The following MARCHF4 variants were observed in gnomAD, a reference collection of about 807,000 sequenced individuals.
MARCHF4 encodes the protein E3 ubiquitin-protein ligase MARCHF4.
A neutral mutation model predicts 43.9 loss-of-function variants in MARCHF4; 14 were observed. The observed-to-expected ratio is 0.32, with a 90% CI of 0.21 to 0.50. The LOEUF is 0.50. MARCHF4 is among the 20% of genes least tolerant of loss of function. The probability of loss-of-function intolerance (pLI) is 0.98; values close to 1 mark genes in which losing one functional copy is unlikely to be tolerated. For synonymous variants in MARCHF4, 226 were observed against 213.3 expected (o/e 1.06, Z -0.52); for missense variants, 468 against 536.7 (o/e 0.87, Z 1.27).
In MARCHF4 at chr2:216,316,179, C is replaced by T. The variant is rs569519631; in HGVS notation, c.517-32450G>A. The stretch of plus-strand genomic sequence containing the variant: ...CTGGGGGTGACACAGCGCGACACTG[C>T]GCCTCCGGAATAAGGGCAGTCCTTC... On this transcript the variant is annotated intron_variant, in intron 1 of 3. Coordinates refer to ENST00000273067, the MANE Select transcript of MARCHF4 (RefSeq NM_020814.3). Among the ~76,000 whole-genome samples, 12 of 152,324 alleles carry T rather than the reference C, an allele frequency of 7.9e-5. No homozygotes were observed. In the South Asian group the frequency reaches 1.5e-3, roughly 18 times the overall value.
chr2:216,273,537 G>A (rs905045036), intron 3 of MARCHF4, among the ~76,000 whole-genome samples: 1 of 152,126 alleles, frequency 6.6e-6, no homozygotes, highest in East Asian at 1.9e-4. Flanking sequence ...AGCATTTCTT[G>A]AGAAGATGCC....
intron 1 of MARCHF4, among the ~76,000 whole-genome samples, chr2:216,296,428 C>T (rs771573519): frequency 6.6e-6 from 1 of 152,214 alleles, no homozygotes; most frequent in Non-Finnish European, 1.5e-5. Flanking sequence ...GGACTCACCC[C>T]TCCCCAAGCC....
intron 3 of MARCHF4, among the ~76,000 whole-genome samples, chr2:216,274,365 A>G (rs1267861918): frequency 6.6e-6 from 1 of 152,148 alleles, no homozygotes; most frequent in Non-Finnish European, 1.5e-5. Flanking sequence ...AGTCCCCATG[A>G]GTCAGAATGT....
At chr2:216,293,165 G>C (rs1011389837) in intron 1 of MARCHF4, among the ~76,000 whole-genome samples, 1 of 151,998 alleles carries the variant, frequency 6.6e-6, no homozygotes, top group Admixed American at 6.6e-5. Context: ...TTGTTTTCTG[G>C]CTGGAGTCCG....
At chr2:216,294,089 G>A (rs748100043) in intron 1 of MARCHF4, among the ~76,000 whole-genome samples, 5 of 152,148 alleles carry the variant, frequency 3.3e-5, no homozygotes, top group East Asian at 1.9e-4. Flanking sequence ...CCAGAATTGC[G>A]CTATTTGCAT....
chr2:216,348,744 A>G (rs1435233696), intron 1 of MARCHF4, among the ~76,000 whole-genome samples: 2 of 152,212 alleles, frequency 1.3e-5, no homozygotes, highest in African/African-American at 2.4e-5. Context: ...ATTTCTTGCT[A>G]GAAATCCAAG....
At chr2:216,302,777 A>G (rs1195370938) in intron 1 of MARCHF4, among the ~76,000 whole-genome samples, 3 of 151,648 alleles carry the variant, frequency 2.0e-5, no homozygotes, top group Non-Finnish European at 4.4e-5. Flanking sequence ...GGGTGCCTGT[A>G]ATCACAGTTA....
intron 1 of MARCHF4, among the ~76,000 whole-genome samples, chr2:216,318,400 G>C (rs1047788434): frequency 5.3e-5 from 8 of 152,238 alleles, no homozygotes; most frequent in Middle Eastern, 3.2e-3. Flanking sequence ...CATTCCAGCA[G>C]GACAAGATAG....
At chr2:216,344,829 G>A (rs1404857585) in intron 1 of MARCHF4, among the ~76,000 whole-genome samples, 1 of 151,962 alleles carries the variant, frequency 6.6e-6, no homozygotes, top group African/African-American at 2.4e-5. Flanking sequence ...AATGGATGGA[G>A]CCAAGTCCAC....
intron 1 of MARCHF4, among the ~76,000 whole-genome samples, chr2:216,326,093 T>A (rs1171847066): frequency 9.1e-5 from 13 of 142,814 alleles, no homozygotes; most frequent in Admixed American, 4.2e-4. Flanking sequence ...GAATCTACAA[T>A]GAACTCAAAC....
intron 2 of MARCHF4, among the ~76,000 whole-genome samples, chr2:216,283,068 G>T (rs6756055): frequency 0.56 from 84,587 of 151,846 alleles, 23,785 homozygotes; most frequent in South Asian, 0.64. Flanking sequence ...GTATGAGAAG[G>T]GCCATTGAGT....
At chr2:216,291,560 G>A (rs562130184) in intron 1 of MARCHF4, among the ~76,000 whole-genome samples, 3 of 152,270 alleles carry the variant, frequency 2.0e-5, no homozygotes, top group Admixed American at 1.3e-4. Context: ...AAGAGACTCT[G>A]TTTAGCTCCA....
At chr2:216,357,167 C>T (rs1692515155) in intron 1 of MARCHF4, among the ~76,000 whole-genome samples, 1 of 152,190 alleles carries the variant, frequency 6.6e-6, no homozygotes, top group Admixed American at 6.5e-5. Flanking sequence ...AACTAATCTA[C>T]ATATCTTATT....
At chr2:216,276,801 C>T (rs2105937455) in intron 3 of MARCHF4, among the ~76,000 whole-genome samples, 1 of 152,244 alleles carries the variant, frequency 6.6e-6, no homozygotes, top group African/African-American at 2.4e-5. Flanking sequence ...TTCCCCACCT[C>T]CTTAGCTGCT....
intron 1 of MARCHF4, among the ~76,000 whole-genome samples, chr2:216,287,801 A>G (rs7573239): frequency 5.9e-5 from 8 of 134,880 alleles, no homozygotes; most frequent in Non-Finnish European, 9.0e-5. Context: ...TAATAAAATT[A>G]AAAAAAAAAA....
chr2:216,307,690 C>T (rs1244244554), intron 1 of MARCHF4, among the ~76,000 whole-genome samples: 7 of 152,078 alleles, frequency 4.6e-5, no homozygotes, highest in Non-Finnish European at 8.8e-5. Context: ...ACATGGAGGC[C>T]CCCGTGACAG....
At position 216,372,290 on chromosome 2, in the gene MARCHF4, G is replaced by T. The variant is rs192090955; in HGVS notation, c.-2030C>A. 3.9e-5 allele frequency among the ~76,000 whole-genome samples: 6 copies of T among 152,114 alleles called. No homozygotes were observed. The highest frequency in any genetic ancestry group is 9.7e-5 in the African/African-American group (4 of 41,406). Reference sequence around the variant, plus strand: ...GGTTCTTGCAGCGAGGGAGGCTCTCGGCTATCTCCGCCGCCGGCGCCGCGG... The same window carrying T: ...GGTTCTTGCAGCGAGGGAGGCTCTCTGCTATCTCCGCCGCCGGCGCCGCGG... On this transcript the variant is annotated 5_prime_UTR_variant, in exon 1 of 4. Transcript: ENST00000273067.
intron 1 of MARCHF4, among the ~76,000 whole-genome samples, chr2:216,355,532 C>T (rs979994564): frequency 6.6e-5 from 10 of 152,066 alleles, no homozygotes; most frequent in Non-Finnish European, 1.5e-5. Context: ...TTAGGAGGAA[C>T]CTTTCTCTAG....
Position 216,259,064 on chromosome 2 carries a change from G to A in MARCHF4, c.*248C>T, listed in dbSNP as rs1469872027. The A allele has an allele frequency of 2.6e-6, 1 of 385,104 alleles. No homozygotes were observed. The highest frequency in any genetic ancestry group is 2.0e-5 in the African/African-American group (1 of 50,310). 23.9% of individuals were successfully genotyped at this position (385,104 alleles called of 1,614,324 possible). A position where few individuals can be genotyped will look rare whatever the true frequency, so the allele number is the denominator to read the frequency against. On this transcript the variant is annotated 3_prime_UTR_variant, in exon 4 of 4. Coordinates refer to ENST00000273067, the MANE Select transcript of MARCHF4 (RefSeq NM_020814.3). ...TTTTCTGTTGGGCCAGGTTCAGCCT[G>A]TATTGCACTTTGTTGTTGAGTTGGT... is the stretch of plus-strand genomic sequence containing the variant.
Sources: allele counts gnomAD v4.1 joint callset (sites outside exome capture counted in the v4.1 genomes callset), GRCh38; gene constraint gnomAD v4.1.1; transcripts MANE v1.5; gene names NCBI Gene and HGNC (gene_info 2026-07-23, HGNC 2026-07-21).